Variants in XKR9 observed in about 807,000 individuals in gnomAD.
XKR9 encodes XK related 9.
Under a neutral mutation model 32.0 loss-of-function variants are expected in XKR9, and 32 were observed. The observed-to-expected ratio is 1.00, with a 90% CI of 0.76 to 1.34. The LOEUF (loss-of-function observed/expected upper bound fraction) is 1.34, where lower values mean the gene tolerates loss of function less well. XKR9 is among the 40% of genes most tolerant of loss of function. XKR9 has a pLI of 0.00. For missense variants in XKR9, 546 were observed against 429.7 expected (o/e 1.27, Z -2.39); for synonymous variants, 168 against 143.4 (o/e 1.17, Z -1.22).
chr8:70,879,513 G>A, the XKR9 span, among the ~76,000 whole-genome samples: 1 of 152,156 alleles, frequency 6.6e-6, no homozygotes. Flanking sequence ...ACTACCATCA[G>A]AGAATACTAT....
chr8:70,952,153 TACACACACAC>T, the XKR9 span, among the ~76,000 whole-genome samples: 3,301 of 148,198 alleles, frequency 0.022, 52 homozygotes, highest in Non-Finnish European at 0.034. Context: ...AGAAAACCTT[TACACACACAC>T]ACACACACAC....
chr8:71,020,705 T>G, the XKR9 span, among the ~76,000 whole-genome samples: 5 of 152,232 alleles, frequency 3.3e-5, no homozygotes, highest in African/African-American at 4.8e-5. Flanking sequence ...TGTGTAATGA[T>G]CCGGGTGTTT....
the XKR9 span, among the ~76,000 whole-genome samples, chr8:70,946,021 G>A: frequency 1.1e-3 from 166 of 152,282 alleles, no homozygotes; most frequent in African/African-American, 3.9e-3. Context: ...TGTAGTCCCA[G>A]CTACTCGGGA....
At chr8:70,842,812 C>T in the XKR9 span, among the ~76,000 whole-genome samples, 1 of 152,202 alleles carries the variant, frequency 6.6e-6, no homozygotes, top group Non-Finnish European at 1.5e-5. Context: ...ATACCATCTT[C>T]AAGAGGCCAA....
rs1331301504 is a variant in XKR9, at chr8:70,669,376, G to A, written c.-523G>A. 2 of 477,542 alleles carry A rather than the reference G, an allele frequency of 4.2e-6. No homozygotes were observed. Among genetic ancestry groups the A allele is most frequent in the Non-Finnish European group, 3.7e-6 (1 of 268,498 alleles). 29.6% of individuals were successfully genotyped at this position (477,542 alleles called of 1,614,324 possible). On this transcript the variant is annotated 5_prime_UTR_variant, in exon 1 of 5. Transcript: ENST00000408926. The stretch of plus-strand genomic sequence containing the variant: ...ACGCCGCGCGGGCTGCGCGGGCAGT[G>A]GTGGGAAGGCTGGCGCGAGGCGTGA...
At chr8:70,810,509 A>C in the XKR9 span, among the ~76,000 whole-genome samples, 1 of 152,242 alleles carries the variant, frequency 6.6e-6, no homozygotes, top group Non-Finnish European at 1.5e-5. Flanking sequence ...TTGGATAAAG[A>C]GTCAAGACCC....
chr8:70,947,937 G>A, the XKR9 span, among the ~76,000 whole-genome samples: 1 of 152,150 alleles, frequency 6.6e-6, no homozygotes, highest in African/African-American at 2.4e-5. Flanking sequence ...GATTTAGTAG[G>A]AGCATGTGTC....
chr8:70,741,222 T>C (rs1189980786), intron 2 of XKR9, among the ~76,000 whole-genome samples: 1 of 152,112 alleles, frequency 6.6e-6, no homozygotes, highest in Admixed American at 6.5e-5. Flanking sequence ...TTAGTTTAGA[T>C]AAGGTTATCA....
At chr8:70,872,184 C>T in the XKR9 span, among the ~76,000 whole-genome samples, 4 of 152,178 alleles carry the variant, frequency 2.6e-5, no homozygotes, top group Non-Finnish European at 5.9e-5. Flanking sequence ...CTCCAGTGAA[C>T]ACACAAATAA....
At chr8:70,896,911 A>G in the XKR9 span, among the ~76,000 whole-genome samples, 1 of 152,146 alleles carries the variant, frequency 6.6e-6, no homozygotes, top group Middle Eastern at 3.2e-3. Flanking sequence ...TTATTTAAAA[A>G]TGTACAATTA....
the XKR9 span, among the ~76,000 whole-genome samples, chr8:70,803,396 G>A: frequency 6.6e-6 from 1 of 152,084 alleles, no homozygotes; most frequent in Non-Finnish European, 1.5e-5. Context: ...TCTCCTAAGT[G>A]TTGATGACCT....
intron 4 of XKR9, among the ~76,000 whole-genome samples, chr8:70,712,610 A>G (rs968139709): frequency 2.6e-5 from 4 of 152,154 alleles, no homozygotes; most frequent in African/African-American, 9.6e-5. Context: ...TTTGCAAGTA[A>G]TAGTGTGTTG....
chr8:70,900,100 G>T, the XKR9 span, among the ~76,000 whole-genome samples: 2 of 150,258 alleles, frequency 1.3e-5, no homozygotes, highest in African/African-American at 4.9e-5. Flanking sequence ...GAAACTCTGT[G>T]TAAAAAAAAA....
At chr8:70,794,823 TTGTGTG>T (rs56167343), downstream of XKR9, among the ~76,000 whole-genome samples, 1 of 147,586 alleles carries the variant, frequency 6.8e-6, no homozygotes, top group Non-Finnish European at 1.5e-5. Context: ...TAGTCTTCTT[TTGTGTG>T]TGTGTGTGTG....
At chr8:70,801,911 G>T in the XKR9 span, among the ~76,000 whole-genome samples, 1 of 151,346 alleles carries the variant, frequency 6.6e-6, no homozygotes, top group Non-Finnish European at 1.5e-5. Flanking sequence ...TTCCCATTGT[G>T]TAATGCTCTT....
chr8:70,978,779 C>T, the XKR9 span, among the ~76,000 whole-genome samples: 1 of 152,098 alleles, frequency 6.6e-6, no homozygotes, highest in Admixed American at 6.6e-5. Flanking sequence ...TGAATGTTGG[C>T]CTGCCTTGCT....
chr8:70,865,960 G>A, the XKR9 span, among the ~76,000 whole-genome samples: 32 of 152,276 alleles, frequency 2.1e-4, no homozygotes, highest in African/African-American at 7.5e-4. Context: ...AAAGTATTGA[G>A]GTTGTCCTCA....
At chr8:70,876,466 T>C in the XKR9 span, among the ~76,000 whole-genome samples, 3 of 152,202 alleles carry the variant, frequency 2.0e-5, no homozygotes, top group Admixed American at 2.0e-4. Flanking sequence ...CAAGCACACT[T>C]TTTCTCTCTT....
At chr8:71,042,879 C>T in the XKR9 span, among the ~76,000 whole-genome samples, 1 of 152,144 alleles carries the variant, frequency 6.6e-6, no homozygotes, top group Non-Finnish European at 1.5e-5. Context: ...TGCTTCCCTC[C>T]TTGGTCACCA....
Sources: gnomAD v4.1 joint callset for allele counts (sites outside exome capture counted in the v4.1 genomes callset) on GRCh38, gnomAD v4.1.1 for gene constraint, MANE v1.5 for transcripts, NCBI Gene and HGNC (gene_info 2026-07-23, HGNC 2026-07-21) for gene names.